The following CAMK2B variants were observed in gnomAD, a reference collection of about 807,000 sequenced individuals.
The protein encoded by CAMK2B is calcium/calmodulin-dependent protein kinase type II subunit beta.
A neutral mutation model predicts 93.7 loss-of-function variants in CAMK2B; 27 were observed. The observed-to-expected ratio is 0.29, with a 90% CI of 0.21 to 0.40. The LOEUF is 0.40. Among genes scored for constraint, CAMK2B ranks in the 10% least tolerant of loss-of-function variants. The probability of loss-of-function intolerance (pLI) is 1.00; values close to 1 mark genes in which losing one functional copy is unlikely to be tolerated. For synonymous variants in CAMK2B, 374 were observed against 358.8 expected, an observed-to-expected ratio of 1.04 and a Z score of -0.48; for missense variants, 568 against 895.8, an observed-to-expected ratio of 0.63 and a Z score of 4.67.
At chr7:44,280,519 G>A (rs1195384709) in intron 2 of CAMK2B, among the ~76,000 whole-genome samples, 1 of 152,238 alleles carries the variant, frequency 6.6e-6, no homozygotes, top group Non-Finnish European at 1.5e-5. Context: ...CGGACAGATG[G>A]AAAAGCAGGA....
At chr7:44,252,106 C>A (rs909129664) in intron 5 of CAMK2B, among the ~76,000 whole-genome samples, 2 of 152,060 alleles carry the variant, frequency 1.3e-5, no homozygotes, top group Admixed American at 6.5e-5. Context: ...AGATGCTGAG[C>A]AAGAAGTCAA....
At chr7:44,228,282 C>T (rs1024406771) in intron 19 of CAMK2B, among the ~76,000 whole-genome samples, 1 of 152,024 alleles carries the variant, frequency 6.6e-6, no homozygotes, top group African/African-American at 2.4e-5. Flanking sequence ...TGGTGAGCTC[C>T]AGAGACCCTG....
rs1463901291 is a variant in CAMK2B at position 44,219,285 on chromosome 7, T to TTG, written c.*239_*240insCA. ...TTTTCCTTCCTTTAGTTTTTTTTGT[T>TTG]TTTTTTTTTTTTCATTTCATCTGAT... On this transcript the variant is annotated 3_prime_UTR_variant, in exon 24 of 24. Coordinates refer to ENST00000395749, the MANE Select transcript of CAMK2B (RefSeq NM_001220.5). 4 of 147,132 alleles carry TTG rather than the reference T, an allele frequency of 2.7e-5. No homozygotes were observed. Among genetic ancestry groups the TTG allele is most frequent in the African/African-American group, 2.5e-5 (1 of 40,372 alleles). 9.1% of individuals were successfully genotyped at this position (147,132 alleles called of 1,614,324 possible). A position where few individuals can be genotyped will look rare whatever the true frequency, so the allele number is the denominator to read the frequency against.
intron 11 of CAMK2B, among the ~76,000 whole-genome samples, chr7:44,240,952 A>T (rs1024113519): frequency 1.7e-4 from 26 of 152,082 alleles, no homozygotes; most frequent in Non-Finnish European, 1.3e-4. Context: ...AGAACTACAC[A>T]CACCCTGGGC....
At chr7:44,247,069 C>T in intron 6 of CAMK2B, 51 bp downstream of exon 6, 1 of 1,436,448 alleles carries the variant, frequency 7.0e-7, no homozygotes, top group Non-Finnish European at 9.8e-7. Flanking sequence ...TTGTACACAG[C>T]ATGCAGGTAC....
intron 13 of CAMK2B, among the ~76,000 whole-genome samples, chr7:44,236,875 C>T (rs1666253744): frequency 6.6e-6 from 1 of 152,200 alleles, no homozygotes. Flanking sequence ...GGACGGGCTC[C>T]TCCTAGGAGC....
intron 1 of CAMK2B, among the ~76,000 whole-genome samples, chr7:44,322,159 C>G (rs575972330): frequency 6.6e-6 from 1 of 152,172 alleles, no homozygotes; most frequent in South Asian, 2.1e-4. Context: ...CAGCAGCCTG[C>G]GATCAAACAC....
At chr7:44,307,345 CA>C (rs966060305) in intron 1 of CAMK2B, among the ~76,000 whole-genome samples, 2 of 92,626 alleles carry the variant, frequency 2.2e-5, no homozygotes, top group Non-Finnish European at 4.0e-5. Context: ...AAGTTGTCAG[CA>C]GGGGGAGGAA....
chr7:44,305,538 C>T (rs1584816207), intron 1 of CAMK2B, among the ~76,000 whole-genome samples: 1 of 152,340 alleles, frequency 6.6e-6, no homozygotes, highest in East Asian at 1.9e-4. Context: ...AACCTCTTGC[C>T]GCCCTGCACA....
chr7:44,317,688 T>C (rs953939317), intron 1 of CAMK2B, among the ~76,000 whole-genome samples: 6 of 152,246 alleles, frequency 3.9e-5, no homozygotes, highest in African/African-American at 1.4e-4. Context: ...ATCACACATA[T>C]GGCTCAACTT....
At chr7:44,240,023 C>T (rs1212298268) in intron 12 of CAMK2B, among the ~76,000 whole-genome samples, 1 of 152,118 alleles carries the variant, frequency 6.6e-6, no homozygotes. Context: ...GGGTGGGGGG[C>T]ACCAGATGCA....
intron 1 of CAMK2B, among the ~76,000 whole-genome samples, chr7:44,300,763 G>A (rs1255018766): frequency 6.6e-6 from 1 of 152,158 alleles, no homozygotes; most frequent in Non-Finnish European, 1.5e-5. Flanking sequence ...GAACTCAACA[G>A]CTTCATCAAT....
chr7:44,228,683 GCGC>G, intron 19 of CAMK2B, 110 bp downstream of exon 19: 1 of 1,046,930 alleles, frequency 9.6e-7, no homozygotes, highest in Non-Finnish European at 1.3e-6. Flanking sequence ...CCAGGCTGCG[GCGC>G]CGGGGCAGGG....
intron 1 of CAMK2B, among the ~76,000 whole-genome samples, chr7:44,306,970 GA>G (rs1791863764): frequency 7.4e-6 from 1 of 134,304 alleles, no homozygotes; most frequent in South Asian, 2.6e-4. Flanking sequence ...GAGGATGTGA[GA>G]AAGGGGAGGA....
In CAMK2B at chr7:44,222,893, G is replaced by T. The variant is rs573400927; in HGVS notation, c.1598-1992C>A. Among the ~76,000 whole-genome samples, 16 of 152,344 alleles carry T rather than the reference G, an allele frequency of 1.1e-4. No homozygotes were observed. In the East Asian group the frequency reaches 2.1e-3, roughly 20 times the overall value. ...CATGCCCGGGTGTGCTCATGCATGTGTGTGGGGCACTGCCTGGGAACGCCT... is the reference window on the plus strand; with the variant it reads ...CATGCCCGGGTGTGCTCATGCATGTTTGTGGGGCACTGCCTGGGAACGCCT... On this transcript the variant is annotated intron_variant, in intron 20 of 23. Transcript: ENST00000395749.
intron 1 of CAMK2B, among the ~76,000 whole-genome samples, chr7:44,314,788 A>G (rs980338913): frequency 6.6e-6 from 1 of 152,238 alleles, no homozygotes; most frequent in Non-Finnish European, 1.5e-5. Flanking sequence ...CCATCCTAGT[A>G]AGAGTGAAAT....
chr7:44,240,128 C>T (rs980311397), intron 12 of CAMK2B, among the ~76,000 whole-genome samples: 17 of 133,686 alleles, frequency 1.3e-4, no homozygotes, highest in Non-Finnish European at 1.4e-4. Context: ...CCTGGGCTGC[C>T]GGCTCCACTC....
At chr7:44,307,774 T>C (rs918206245) in intron 1 of CAMK2B, among the ~76,000 whole-genome samples, 1 of 152,108 alleles carries the variant, frequency 6.6e-6, no homozygotes, top group Non-Finnish European at 1.5e-5. Context: ...AGCTGACCCT[T>C]GTTGAATTTG....
rs1485552892 is a variant in CAMK2B at position 44,224,647 on chromosome 7, G to A, written c.1597+1869C>T. Among the ~76,000 whole-genome samples the A allele has an allele frequency of 6.6e-6, 1 of 152,168 alleles. No homozygotes were observed. Among genetic ancestry groups the A allele is most frequent in the African/African-American group, 2.4e-5 (1 of 41,436 alleles). The stretch of plus-strand genomic sequence containing the variant: ...GGTTCTCATCCTGGCCTGGACTCCT[G>A]GGACCCCAGGCTGGCCCCAAGCCCA... On this transcript the variant is annotated intron_variant, in intron 20 of 23. Transcript: ENST00000395749. This position sits in a 1 kb window ranked among gnomAD's most constrained non-coding sequence, Gnocchi z 4.4.
Sources: allele counts gnomAD v4.1 joint callset (sites outside exome capture counted in the v4.1 genomes callset), GRCh38; gene constraint gnomAD v4.1.1; non-coding constraint Gnocchi (gnomAD v3.1); transcripts MANE v1.5; gene names NCBI Gene and HGNC (gene_info 2026-07-23, HGNC 2026-07-21).